RMDN1: variants seen among roughly 807,000 people sequenced by gnomAD.
RMDN1 encodes regulator of microtubule dynamics 1, also known as regulator of microtubule dynamics protein 1.
In RMDN1, 48 loss-of-function variants were observed where a neutral mutation model predicts 48.9. The ratio of observed to expected loss-of-function variants is 0.98; its 90% CI spans 0.78 to 1.25. The LOEUF (loss-of-function observed/expected upper bound fraction) is 1.25. RMDN1 is among the 50% of genes most tolerant of loss of function. RMDN1 has a pLI of 0.00. For synonymous variants in RMDN1, 148 were observed against 132.6 expected, an observed-to-expected ratio of 1.12 and a Z score of -0.80; for missense variants, 418 against 373.4, an observed-to-expected ratio of 1.12 and a Z score of -0.98.
At chr8:86,476,088 G>GT (rs1813327503) in intron 8 of RMDN1, among the ~76,000 whole-genome samples, 1 of 152,108 alleles carries the variant, frequency 6.6e-6, no homozygotes. Context: ...AAGAAATAAG[G>GT]TAAGGTCACT....
chr8:86,509,479 A>C (rs1224165309), upstream of RMDN1, among the ~76,000 whole-genome samples: 2 of 152,182 alleles, frequency 1.3e-5, no homozygotes, highest in Non-Finnish European at 2.9e-5. Context: ...CACAGACTGC[A>C]AAGGGAGTAC....
In RMDN1 at chr8:86,504,408, GCTCCAGCT is replaced by G. The variant is rs1586778673; in HGVS notation, c.247+2579_247+2586del. 3 of 1,560,162 alleles carry G rather than the reference GCTCCAGCT, an allele frequency of 1.9e-6. No homozygotes were observed. In the East Asian group the frequency reaches 6.7e-5, roughly 35 times the overall value. On this transcript the variant is annotated intron_variant, in intron 2 of 9. Transcript: ENST00000406452. ...AACAGCCAATCATCATTTCCATTGT[GCTCCAGCT>G]CTCTCGACAGCTCTCTGGAATCAAT...
chr8:86,503,368 A>C (rs1425345500), intron 2 of RMDN1, among the ~76,000 whole-genome samples: 2 of 73,592 alleles, frequency 2.7e-5, no homozygotes, highest in Non-Finnish European at 4.6e-5. Flanking sequence ...AAACAAAACA[A>C]AACAAAAAAA....
In RMDN1 at chr8:86,472,479, C is replaced by T. The variant is rs1384973515; in HGVS notation, c.*1829G>A. ...CTTCAGCTGCTTCTGTTTCTCTTCA[C>T]CTACAAAAATAAAATTACAGTATAC... is the stretch of plus-strand genomic sequence containing the variant. On this transcript the variant is annotated 3_prime_UTR_variant, in exon 10 of 10. Transcript: ENST00000406452. The T allele has an allele frequency of 1.4e-6, 1 of 702,478 alleles. No individual in the cohort carries two copies. The highest frequency in any genetic ancestry group is 2.7e-5 in the East Asian group (1 of 37,268). 43.5% of individuals were successfully genotyped at this position (702,478 alleles called of 1,614,324 possible). A position where few individuals can be genotyped will look rare whatever the true frequency, so the allele number is the denominator to read the frequency against.
intron 2 of RMDN1, among the ~76,000 whole-genome samples, chr8:86,498,522 TA>T (rs1254870758): frequency 2.0e-5 from 3 of 152,154 alleles, no homozygotes; most frequent in Non-Finnish European, 2.9e-5. Context: ...CTCATGTCTG[TA>T]ATCCCAGCAC....
chr8:86,501,226 A>G (rs1818161888), intron 2 of RMDN1, among the ~76,000 whole-genome samples: 2 of 152,056 alleles, frequency 1.3e-5, no homozygotes, highest in Admixed American at 1.3e-4. Flanking sequence ...AATAAACAAG[A>G]AAAAAATGGA....
At chr8:86,471,883 C>T (rs979564931), downstream of RMDN1, among the ~76,000 whole-genome samples, 5 of 151,990 alleles carry the variant, frequency 3.3e-5, no homozygotes, top group Admixed American at 6.6e-5. Flanking sequence ...GTCAATGTTG[C>T]AAGAAGAAAA....
chr8:86,482,954 C>T (rs1160822488), intron 5 of RMDN1: 6 of 774,042 alleles, frequency 7.8e-6, no homozygotes, highest in Admixed American at 3.8e-5. Context: ...ACGAGGTCCC[C>T]GGCGGACTGT....
upstream of RMDN1, among the ~76,000 whole-genome samples, chr8:86,512,345 C>G (rs1820086715): frequency 6.6e-6 from 1 of 152,148 alleles, no homozygotes. Context: ...GAGCCAGAAA[C>G]CTTTAGTAAA....
chr8:86,480,211 G>A, intron 6 of RMDN1, 66 bp downstream of exon 6: 1 of 750,992 alleles, frequency 1.3e-6, no homozygotes, highest in Non-Finnish European at 2.1e-6. Context: ...TGCAAAAGAA[G>A]ATATTTATAC....
At position 86,500,275 on chromosome 8, in the gene RMDN1, C is replaced by T. The variant is rs1476159697; in HGVS notation, c.247+6720G>A. 3.3e-5 allele frequency among the ~76,000 whole-genome samples: 5 copies of T among 152,078 alleles called. No homozygotes were observed. The South Asian group carries it at 8.3e-4, about 25-fold the overall frequency. ...CTGAATGAAAGAAAACATTTGCAAACTATGCATCTGACAAAGGTCTAATAT... is the reference window on the plus strand; with the variant it reads ...CTGAATGAAAGAAAACATTTGCAAATTATGCATCTGACAAAGGTCTAATAT... On this transcript the variant is annotated intron_variant, in intron 2 of 9. Coordinates refer to ENST00000406452, the MANE Select transcript of RMDN1 (RefSeq NM_016033.3).
chr8:86,474,668 A>C, intron 9 of RMDN1, 152 bp downstream of exon 9: 1 of 829,870 alleles, frequency 1.2e-6, no homozygotes, highest in Non-Finnish European at 2.1e-6. Flanking sequence ...CTATATAGAA[A>C]TATAAATGTC....
At position 86,486,466 on chromosome 8, in the gene RMDN1, C is replaced by G. The variant is rs1273652199; in HGVS notation, c.495+18G>C. 1 of 1,564,072 alleles carries G rather than the reference C, an allele frequency of 6.4e-7. No homozygotes were observed. Among genetic ancestry groups the G allele is most frequent in the East Asian group, 2.3e-5 (1 of 44,234 alleles). On this transcript the variant is annotated intron_variant, in intron 4 of 9. Coordinates refer to ENST00000406452, the MANE Select transcript of RMDN1 (RefSeq NM_016033.3). ...GTACCTCTCAGTACATGGTTAATAG[C>G]TTAGTTAAGCAACTCACCTTATGAG...
At chr8:86,468,385 TC>T, downstream of RMDN1, 2 of 453,204 alleles carry the variant, frequency 4.4e-6, no homozygotes, top group Non-Finnish European at 8.8e-6. Context: ...AGACTCCTTT[TC>T]CAAATCCTTA....
At chr8:86,506,674 A>C (rs1327655223) in intron 2 of RMDN1, among the ~76,000 whole-genome samples, 1 of 152,202 alleles carries the variant, frequency 6.6e-6, no homozygotes, top group African/African-American at 2.4e-5. Flanking sequence ...ACCCTTGCTG[A>C]TAACGGTATC....
intron 5 of RMDN1, among the ~76,000 whole-genome samples, chr8:86,483,932 G>C (rs1338343726): frequency 6.6e-6 from 1 of 150,860 alleles, no homozygotes; most frequent in African/African-American, 2.4e-5. Context: ...ATTAACTTTA[G>C]GGGAAAATAT....
At chr8:86,495,055 G>A in intron 2 of RMDN1, 1 of 317,246 alleles carries the variant, frequency 3.2e-6, no homozygotes. Context: ...CAAGATGGCT[G>A]ACTAGGCACA....
At chr8:86,503,366 C>CAAAAAAAAAAAAA (rs1354324383) in intron 2 of RMDN1, among the ~76,000 whole-genome samples, 67 of 70,366 alleles carry the variant, frequency 9.5e-4, no homozygotes, top group Non-Finnish European at 1.5e-3. Flanking sequence ...CAAAACAAAA[C>CAAAAAAAAAAAAA]AAAACAAAAA....
chr8:86,477,474 G>C, intron 7 of RMDN1, 150 bp from the exon 8 acceptor site: 1 of 581,354 alleles, frequency 1.7e-6, no homozygotes, highest in East Asian at 3.0e-5. Flanking sequence ...AACAGTGAGA[G>C]TTAACACCCA....
Sources: gnomAD v4.1 joint callset for allele counts (sites outside exome capture counted in the v4.1 genomes callset) on GRCh38, gnomAD v4.1.1 for gene constraint, MANE v1.5 for transcripts, NCBI Gene and HGNC (gene_info 2026-07-23, HGNC 2026-07-21) for gene names.